The following UPF2 variants were observed in gnomAD, a reference collection of about 807,000 sequenced individuals.
UPF2 encodes the protein UPF2 regulator of nonsense mediated mRNA decay.
Under a neutral mutation model 141.4 loss-of-function variants are expected in UPF2, and 17 were observed. The observed-to-expected ratio is 0.12, with a 90% CI of 0.08 to 0.18. UPF2 has a LOEUF of 0.18. Ranked by LOEUF, UPF2 falls within the 10% of genes least tolerant of loss-of-function variation. The probability of loss-of-function intolerance (pLI) is 1.00; values close to 1 mark genes in which losing one functional copy is unlikely to be tolerated. For synonymous variants in UPF2, 540 were observed against 498.0 expected (o/e 1.08, Z -1.12); for missense variants, 1,152 against 1,515.9 (o/e 0.76, Z 3.99).
intron 21 of UPF2, among the ~76,000 whole-genome samples, chr10:11,925,415 C>A (rs554724076): frequency 7.7e-4 from 118 of 152,308 alleles, no homozygotes; most frequent in African/African-American, 2.7e-3. Context: ...GGGAGCAGAA[C>A]TGGAATGAGA....
In UPF2 at chr10:11,940,158, AC is replaced by A. The variant is rs1231012979; in HGVS notation, c.3378+2506del. Among the ~76,000 whole-genome samples, 1 of 152,222 alleles carries A rather than the reference AC, an allele frequency of 6.6e-6. No homozygotes were observed. Among genetic ancestry groups the A allele is most frequent in the Admixed American group, 6.5e-5 (1 of 15,282 alleles). On this transcript the variant is annotated intron_variant, in intron 18 of 21. Transcript: ENST00000357604. The surrounding 1 kb of genome is among the most constrained non-coding windows in gnomAD (Gnocchi z 4.2). ...ATATAGAATTAAGTTTTTCTCCAGC[AC>A]AAAAAGCACATCTCCTGCAAAAATG...
At chr10:11,973,784 G>A (rs1000408144) in intron 9 of UPF2, among the ~76,000 whole-genome samples, 2 of 152,178 alleles carry the variant, frequency 1.3e-5, no homozygotes, top group Non-Finnish European at 2.9e-5. Flanking sequence ...TTTGGTTACT[G>A]TAGCCTTGTA....
chr10:12,004,985 A>G (rs1290203754), intron 4 of UPF2, among the ~76,000 whole-genome samples: 4 of 152,204 alleles, frequency 2.6e-5, no homozygotes, highest in African/African-American at 9.6e-5. Context: ...AGCAATTAAT[A>G]TGAGATTAAG....
At chr10:11,941,446 T>G (rs1832934788) in intron 18 of UPF2, among the ~76,000 whole-genome samples, 2 of 152,180 alleles carry the variant, frequency 1.3e-5, no homozygotes, top group Non-Finnish European at 2.9e-5. Context: ...CCTATAACAC[T>G]AATTTGTACT....
intron 9 of UPF2, among the ~76,000 whole-genome samples, chr10:11,970,886 AAT>A (rs147240032): frequency 6.6e-5 from 10 of 150,644 alleles, no homozygotes; most frequent in East Asian, 1.9e-4. Context: ...AGGGTTGGGA[AAT>A]ATATATATAT....
rs746117868 is a variant in UPF2, at chr10:11,985,884, C to CTTTTTTTTTTTTTTT, written c.1845-6734_1845-6720dup. ...CAACTGAAAAATAATTAGATCCTTC[C>CTTTTTTTTTTTTTTT]TTTTTTTTTTTTTTTTGTGAGACGG... On this transcript the variant is annotated intron_variant, in intron 8 of 21. Coordinates refer to ENST00000357604, the MANE Select transcript of UPF2 (RefSeq NM_015542.4). Among the ~76,000 whole-genome samples the CTTTTTTTTTTTTTTT allele has an allele frequency of 1.6e-3, 163 of 100,714 alleles. 6 individuals are homozygous for CTTTTTTTTTTTTTTT. The highest frequency in any genetic ancestry group is 2.9e-3 in the African/African-American group (68 of 23,648). 66.1% of individuals were successfully genotyped at this position (100,714 alleles called of 152,430 possible).
intron 4 of UPF2, among the ~76,000 whole-genome samples, chr10:12,010,934 A>G (rs1834116238): frequency 6.6e-6 from 1 of 152,170 alleles, no homozygotes; most frequent in Admixed American, 6.5e-5. Flanking sequence ...TAACATCTTT[A>G]AAGTACTGAA....
At position 12,029,468 on chromosome 10, in the gene UPF2, C is replaced by A; in HGVS notation, c.422G>T (p.Arg141Ile). ...HQEAWERHHLRKELRSKNQNA... is the reference protein window; with the variant it reads ...HQEAWERHHLIKELRSKNQNA... The stretch of plus-strand genomic sequence containing the variant: ...TTGGTTTTTGCTACGAAGTTCCTTT[C>A]TTAAATGATGTCGTTCCCAAGCTTC... The change falls in exon 3 of 22, where the codon AGA becomes ATA. Residue 141 changes from arginine (R) to isoleucine (I), a missense_variant. Transcript: ENST00000357604. The A allele has an allele frequency of 6.2e-7, 1 of 1,611,264 alleles. No homozygotes were observed. Among genetic ancestry groups the A allele is most frequent in the Non-Finnish European group, 8.5e-7 (1 of 1,179,478 alleles).
At chr10:11,948,595 T>C (rs1012348516) in intron 15 of UPF2, 87 bp from the exon 16 acceptor site, 11 of 1,400,846 alleles carry the variant, frequency 7.9e-6, no homozygotes, top group African/African-American at 4.3e-5. Flanking sequence ...TGTAAAAGTA[T>C]GCATTAAGAA....
At chr10:11,952,326 C>T in intron 14 of UPF2, 77 bp from the exon 15 acceptor site, 1 of 1,325,988 alleles carries the variant, frequency 7.5e-7, no homozygotes, top group Non-Finnish European at 1.0e-6. Context: ...CTATATTGTG[C>T]TGTTTCCCAG....
intron 2 of UPF2, among the ~76,000 whole-genome samples, chr10:12,030,011 G>A (rs930660779): frequency 6.7e-6 from 1 of 150,300 alleles, no homozygotes; most frequent in Admixed American, 6.6e-5. Flanking sequence ...AACGACTAAC[G>A]ATAACAAGTA....
chr10:11,957,652 G>A (rs1243769537), intron 12 of UPF2, among the ~76,000 whole-genome samples: 1 of 151,912 alleles, frequency 6.6e-6, no homozygotes, highest in Admixed American at 6.5e-5. Context: ...AAGTAGCTGG[G>A]ATTACAGGCA....
At chr10:11,945,934 CTGAA>C (rs1832994908) in intron 16 of UPF2, among the ~76,000 whole-genome samples, 1 of 151,868 alleles carries the variant, frequency 6.6e-6, no homozygotes, top group African/African-American at 2.4e-5. Context: ...AATTCTATTA[CTGAA>C]TGTTTCTATT....
intron 9 of UPF2, among the ~76,000 whole-genome samples, chr10:11,975,820 A>G (rs1301889231): frequency 1.3e-5 from 2 of 152,132 alleles, no homozygotes; most frequent in Non-Finnish European, 2.9e-5. Flanking sequence ...CCCGGCCCTA[A>G]AAACGTTTTT....
chr10:12,029,673 T>C, intron 2 of UPF2, 149 bp from the exon 3 acceptor site: 1 of 926,692 alleles, frequency 1.1e-6, no homozygotes, highest in South Asian at 2.0e-5. Flanking sequence ...TTTAAAGACA[T>C]TTTACTGGCC....
chr10:11,956,755 C>G lies in UPF2; in HGVS notation c.2371-232G>C, dbSNP rs1218128876. Among the ~76,000 whole-genome samples the G allele has an allele frequency of 6.6e-6, 1 of 152,152 alleles. No homozygotes were observed. The highest frequency in any genetic ancestry group is 1.5e-5 in the Non-Finnish European group (1 of 68,032). On this transcript the variant is annotated intron_variant, in intron 12 of 21. Coordinates refer to ENST00000357604, the MANE Select transcript of UPF2 (RefSeq NM_015542.4). This position sits in a 1 kb window ranked among gnomAD's most constrained non-coding sequence, Gnocchi z 4.2. ...GTGCTCTCAAATTTTCTAGAGTTTT[C>G]AGGTCTTCAATCTAGGTGACTGTTC...
At chr10:11,928,499 G>A (rs1352717981) in intron 21 of UPF2, among the ~76,000 whole-genome samples, 1 of 151,058 alleles carries the variant, frequency 6.6e-6, no homozygotes, top group African/African-American at 2.4e-5. Context: ...CACGAGGTCA[G>A]GAGATCGAGA....
chr10:12,040,978 C>T (rs1414158199), intron 1 of UPF2, among the ~76,000 whole-genome samples: 1 of 152,168 alleles, frequency 6.6e-6, no homozygotes, highest in African/African-American at 2.4e-5. Context: ...AGCAGAGTCA[C>T]CTACCCAAGA....
intron 21 of UPF2, among the ~76,000 whole-genome samples, chr10:11,928,384 C>T (rs1196838228): frequency 6.6e-6 from 1 of 151,920 alleles, no homozygotes; most frequent in Non-Finnish European, 1.5e-5. Flanking sequence ...TAGATCATGT[C>T]CCAGAAACAC....
Sources: gnomAD v4.1 joint callset for allele counts (sites outside exome capture counted in the v4.1 genomes callset) on GRCh38, gnomAD v4.1.1 for gene constraint, Gnocchi (gnomAD v3.1) non-coding constraint, MANE v1.5 for transcripts, NCBI Gene and HGNC (gene_info 2026-07-23, HGNC 2026-07-21) for gene names.